The following AUTS2 variants were observed in gnomAD, a reference collection of about 807,000 sequenced individuals.
AUTS2 encodes the protein autism susceptibility gene 2 protein.
A neutral mutation model predicts 112.4 loss-of-function variants in AUTS2; 17 were observed. That is an observed-to-expected ratio of 0.15 (90% CI 0.10 to 0.23). The LOEUF (loss-of-function observed/expected upper bound fraction) is 0.23, where lower values mean the gene tolerates loss of function less well. Among genes scored for constraint, AUTS2 ranks in the 10% least tolerant of loss-of-function variants. The pLI is 1.00. For missense variants in AUTS2, 1,510 were observed against 1,701.6 expected (o/e 0.89, Z 1.98); for synonymous variants, 751 against 702.7 (o/e 1.07, Z -1.09).
intron 2 of AUTS2, among the ~76,000 whole-genome samples, chr7:69,933,434 C>T (rs527628029): frequency 6.6e-6 from 1 of 152,280 alleles, no homozygotes; most frequent in East Asian, 1.9e-4. Context: ...AGGTCAGTGT[C>T]ATTTGGTTTC....
At chr7:70,703,698 G>A (rs568741851) in intron 6 of AUTS2, among the ~76,000 whole-genome samples, 103 of 152,202 alleles carry the variant, frequency 6.8e-4, no homozygotes, top group African/African-American at 2.1e-3. Context: ...GTGCATTTCC[G>A]ATGTGCACAA....
chr7:70,042,279 A>G (rs763794962), intron 2 of AUTS2, among the ~76,000 whole-genome samples: 6 of 151,222 alleles, frequency 4.0e-5, no homozygotes, highest in Non-Finnish European at 8.8e-5. Flanking sequence ...GGAGATACAT[A>G]TTGAAATAGT....
intron 1 of AUTS2, among the ~76,000 whole-genome samples, chr7:69,639,672 G>A (rs1004974952): frequency 3.3e-5 from 5 of 152,206 alleles, no homozygotes; most frequent in African/African-American, 4.8e-5. Context: ...AAAGGCTTCC[G>A]TCTTGCTCCC....
At chr7:69,808,399 A>G (rs1247049487) in intron 1 of AUTS2, among the ~76,000 whole-genome samples, 1 of 152,242 alleles carries the variant, frequency 6.6e-6, no homozygotes, top group Admixed American at 6.5e-5. Context: ...CTGGGTATCT[A>G]GAAGTAAATG....
chr7:69,699,226 A>G (rs1797692630), intron 1 of AUTS2, among the ~76,000 whole-genome samples: 2 of 152,214 alleles, frequency 1.3e-5, no homozygotes, highest in South Asian at 4.2e-4. Flanking sequence ...ATATATTAAT[A>G]TGATCCCAAA....
chr7:69,774,411 G>A (rs1788806280), intron 1 of AUTS2, among the ~76,000 whole-genome samples: 1 of 152,180 alleles, frequency 6.6e-6, no homozygotes, highest in South Asian at 2.1e-4. Context: ...AATAAAATAA[G>A]TAAATATCTT....
intron 5 of AUTS2, among the ~76,000 whole-genome samples, chr7:70,487,102 T>C (rs1798042015): frequency 6.6e-6 from 1 of 152,084 alleles, no homozygotes; most frequent in Non-Finnish European, 1.5e-5. Flanking sequence ...GATAGGAGCG[T>C]TACTGGGAGA....
rs1562800135 is a variant in AUTS2, at chr7:69,671,517, G to GTGTC, written c.309+71558_309+71559insCTGT. 2.4e-4 allele frequency among the ~76,000 whole-genome samples: 35 copies of GTGTC among 143,686 alleles called. 1 individual carries two copies. The highest frequency in any genetic ancestry group is 3.9e-3 in the Middle Eastern group (1 of 254). The allele number at this position is 143,686 out of a possible 152,430, so 94.3% of individuals were successfully genotyped here. On this transcript the variant is annotated intron_variant, in intron 1 of 18. Coordinates refer to ENST00000342771, the MANE Select transcript of AUTS2 (RefSeq NM_015570.4). The stretch of plus-strand genomic sequence containing the variant: ...TGTGTGTGTGTGTGTGTGTGTGTGT[G>GTGTC]TGTGTGTCTGTGTGTGTGTGTTTTG...
intron 1 of AUTS2, among the ~76,000 whole-genome samples, chr7:69,779,345 C>T (rs1789043426): frequency 6.6e-6 from 1 of 152,052 alleles, no homozygotes; most frequent in Non-Finnish European, 1.5e-5. Context: ...CATTGACTGC[C>T]CAGGCATTAG....
At chr7:69,773,865 A>C (rs188731959) in intron 1 of AUTS2, among the ~76,000 whole-genome samples, 230 of 152,342 alleles carry the variant, frequency 1.5e-3, no homozygotes, top group African/African-American at 5.4e-3. Flanking sequence ...CCCTGGTGGC[A>C]GTGGGGCTAA....
At chr7:70,537,260 G>A (rs1008578216) in intron 5 of AUTS2, among the ~76,000 whole-genome samples, 11 of 152,162 alleles carry the variant, frequency 7.2e-5, no homozygotes, top group African/African-American at 2.7e-4. Flanking sequence ...ATAAAAGCAG[G>A]TGACCTTCTG....
chr7:70,705,430 T>C (rs994044481), intron 6 of AUTS2, among the ~76,000 whole-genome samples: 1 of 152,244 alleles, frequency 6.6e-6, no homozygotes, highest in African/African-American at 2.4e-5. Flanking sequence ...AGTGATTTTA[T>C]TAATTTCATA....
At chr7:69,872,110 A>T (rs1375013243) in intron 1 of AUTS2, among the ~76,000 whole-genome samples, 2 of 152,202 alleles carry the variant, frequency 1.3e-5, no homozygotes, top group Non-Finnish European at 2.9e-5. Flanking sequence ...TAGAGCATTA[A>T]ACCAAGTGCC....
At chr7:70,061,694 CA>C in intron 2 of AUTS2, among the ~76,000 whole-genome samples, 1 of 151,784 alleles carries the variant, frequency 6.6e-6, no homozygotes, top group Non-Finnish European at 1.5e-5. Flanking sequence ...CATGGTTTGG[CA>C]AAAGAAACTT....
chr7:69,768,388 T>G (rs1393249015), intron 1 of AUTS2, among the ~76,000 whole-genome samples: 2 of 152,222 alleles, frequency 1.3e-5, no homozygotes, highest in Non-Finnish European at 2.9e-5. Flanking sequence ...ACATTTCAGT[T>G]TCATAGATAG....
At position 70,435,782 on chromosome 7, in the gene AUTS2, G is replaced by T. The variant is rs574662451; in HGVS notation, c.690+1G>T. The stretch of plus-strand genomic sequence containing the variant: ...CAGTGACAGTGACCAGGAAGAGAAG[G>T]TAAGACCCCCCCTCCCCCATTGTGG... On this transcript the variant is annotated splice_donor_variant, in intron 5 of 18. Coordinates refer to ENST00000342771, the MANE Select transcript of AUTS2 (RefSeq NM_015570.4). LOFTEE classifies it high-confidence loss of function. 6.2e-7 allele frequency: 1 copy of T among 1,613,880 alleles called. No homozygotes were observed. The highest frequency in any genetic ancestry group is 1.1e-5 in the South Asian group (1 of 91,064).
intron 4 of AUTS2, among the ~76,000 whole-genome samples, chr7:70,417,434 G>A (rs545845957): frequency 2.0e-5 from 3 of 152,324 alleles, no homozygotes; most frequent in Non-Finnish European, 4.4e-5. Flanking sequence ...GCACAGCGAG[G>A]CAATTTCCAG....
At chr7:69,634,915 A>G (rs899922882) in intron 1 of AUTS2, among the ~76,000 whole-genome samples, 2 of 152,202 alleles carry the variant, frequency 1.3e-5, no homozygotes, top group Non-Finnish European at 2.9e-5. Context: ...TCTCCCTCCC[A>G]AAGAGACTAT....
At chr7:70,111,275 C>G (rs961342581) in intron 2 of AUTS2, among the ~76,000 whole-genome samples, 2 of 152,138 alleles carry the variant, frequency 1.3e-5, no homozygotes, top group Admixed American at 6.5e-5. Flanking sequence ...TCTTATATAG[C>G]ACAGTTGACT....
Sources: gnomAD v4.1 joint callset for allele counts (sites outside exome capture counted in the v4.1 genomes callset) on GRCh38, gnomAD v4.1.1 for gene constraint, MANE v1.5 for transcripts, NCBI Gene and HGNC (gene_info 2026-07-23, HGNC 2026-07-21) for gene names.